Variants in ASXL2 observed in about 807,000 individuals in gnomAD.
The protein encoded by ASXL2 is ASXL transcriptional regulator 2, also known as putative Polycomb group protein ASXL2.
Under a neutral mutation model 122.0 loss-of-function variants are expected in ASXL2, and 23 were observed. The observed-to-expected ratio is 0.19, with a 90% CI of 0.14 to 0.27. The LOEUF (loss-of-function observed/expected upper bound fraction) is 0.27, where lower values mean the gene tolerates loss of function less well. Among genes scored for constraint, ASXL2 ranks in the 10% least tolerant of loss-of-function variants. The pLI is 1.00. For synonymous variants in ASXL2, 650 were observed against 637.0 expected (o/e 1.02, Z -0.31); for missense variants, 1,518 against 1,713.8 (o/e 0.89, Z 2.02).
At chr2:25,860,403 G>C (rs1396404003) in intron 1 of ASXL2, among the ~76,000 whole-genome samples, 1 of 151,720 alleles carries the variant, frequency 6.6e-6, no homozygotes, top group African/African-American at 2.4e-5. Context: ...GAAATTTAAA[G>C]ACTGAATGCA....
At chr2:25,747,627 CA>C (rs2087963715) in intron 12 of ASXL2, among the ~76,000 whole-genome samples, 1 of 152,160 alleles carries the variant, frequency 6.6e-6, no homozygotes, top group Non-Finnish European at 1.5e-5. Flanking sequence ...AGCCTGTTTA[CA>C]GGTGAGAAAA....
At chr2:25,770,210 TATTTA>T (rs1170014821) in intron 6 of ASXL2, among the ~76,000 whole-genome samples, 1 of 152,194 alleles carries the variant, frequency 6.6e-6, no homozygotes, top group Non-Finnish European at 1.5e-5. Context: ...TATTTTTTAT[TATTTA>T]ATTTTTTTTT....
chr2:25,838,172 T>C (rs1280955503), intron 2 of ASXL2, among the ~76,000 whole-genome samples: 1 of 152,186 alleles, frequency 6.6e-6, no homozygotes, highest in East Asian at 1.9e-4. Flanking sequence ...ATGTATTACA[T>C]AAATATGTAG....
At chr2:25,850,818 T>A (rs900301509) in intron 1 of ASXL2, among the ~76,000 whole-genome samples, 1 of 152,136 alleles carries the variant, frequency 6.6e-6, no homozygotes, top group South Asian at 2.1e-4. Flanking sequence ...CTTTCCACTA[T>A]CTATTTGGTT....
chr2:25,836,109 G>A lies in ASXL2; in HGVS notation c.141-569C>T, dbSNP rs544818099. Among the ~76,000 whole-genome samples the A allele has an allele frequency of 3.6e-3, 552 of 152,270 alleles. 4 individuals are homozygous for A. Among genetic ancestry groups the A allele is most frequent in the Non-Finnish European group, 3.7e-3 (252 of 68,018 alleles). The stretch of plus-strand genomic sequence containing the variant: ...GAAAGCAGATTGCAACTAACAGATA[G>A]GGAAGATGGCTGGGCACAGTGCCTC... On this transcript the variant is annotated intron_variant, in intron 2 of 12. Coordinates refer to ENST00000435504, the MANE Select transcript of ASXL2 (RefSeq NM_018263.6).
Position 25,742,433 on chromosome 2 carries a change from T to C in ASXL2, c.3904A>G (p.Thr1302Ala). 2 of 295,148 alleles carry C rather than the reference T, an allele frequency of 6.8e-6. No individual in the cohort carries two copies. Among genetic ancestry groups the C allele is most frequent in the Non-Finnish European group, 1.4e-5 (2 of 147,082 alleles). 18.3% of individuals were successfully genotyped at this position (295,148 alleles called of 1,614,324 possible). Residue 1302 changes from threonine (T) to alanine (A), a missense_variant, in exon 13 of 13, where the codon ACC becomes GCC. Around this residue, in one of 8 missense-constraint regions of ASXL2, gnomAD observed 831 missense variants for 833.1 expected, o/e 1.00. Coordinates refer to ENST00000435504, the MANE Select transcript of ASXL2 (RefSeq NM_018263.6). ...GGTGGAAGGAGTAGGGGCTGGTGGGTGGGGCTGTCTGCAGGCAGAGGAAGA... is the reference window on the plus strand; with the variant it reads ...GGTGGAAGGAGTAGGGGCTGGTGGGCGGGGCTGTCTGCAGGCAGAGGAAGA... ...TVLPLPADSP[T>A]HQPLLLPPLQ...
intron 1 of ASXL2, among the ~76,000 whole-genome samples, chr2:25,876,617 C>A (rs1027337211): frequency 1.3e-5 from 2 of 152,138 alleles, no homozygotes; most frequent in African/African-American, 4.8e-5. Flanking sequence ...TATCATGCTT[C>A]TTTTATTAAC....
chr2:25,795,580 G>A (rs2088899236), intron 5 of ASXL2, among the ~76,000 whole-genome samples: 1 of 152,060 alleles, frequency 6.6e-6, no homozygotes, highest in Non-Finnish European at 1.5e-5. Context: ...AAAAGCAAGG[G>A]CCCCAAGTAT....
chr2:25,863,103 G>A (rs190060367), intron 1 of ASXL2, among the ~76,000 whole-genome samples: 15 of 151,936 alleles, frequency 9.9e-5, no homozygotes, highest in African/African-American at 3.6e-4. Flanking sequence ...GCCGAAGCAC[G>A]TGGATCACAA....
chr2:25,840,314 T>C (rs2089565802), intron 2 of ASXL2, among the ~76,000 whole-genome samples: 1 of 152,224 alleles, frequency 6.6e-6, no homozygotes, highest in Admixed American at 6.5e-5. Flanking sequence ...AGTACCTGAA[T>C]CTTTCGCAGC....
chr2:25,772,561 A>G (rs891398767), intron 5 of ASXL2, among the ~76,000 whole-genome samples: 5 of 151,874 alleles, frequency 3.3e-5, no homozygotes, highest in Admixed American at 3.3e-4. Flanking sequence ...GAGAAACCCT[A>G]TCTCTACTAA....
At position 25,815,867 on chromosome 2, in the gene ASXL2, C is replaced by A. The variant is rs192544831; in HGVS notation, c.144-9530G>T. ...ACAGCTGGAAGTATCTTAATAGATA[C>A]AAAGCACCTACATAAAAGCAATCAA... On this transcript the variant is annotated intron_variant, in intron 3 of 12. Coordinates refer to ENST00000435504, the MANE Select transcript of ASXL2 (RefSeq NM_018263.6). Among the ~76,000 whole-genome samples, 727 of 151,978 alleles carry A rather than the reference C, an allele frequency of 4.8e-3. 12 individuals are homozygous for A. The highest frequency in any genetic ancestry group is 0.022 in the Admixed American group (330 of 15,248).
intron 6 of ASXL2, among the ~76,000 whole-genome samples, chr2:25,770,755 T>G (rs1008848108): frequency 8.5e-5 from 13 of 152,220 alleles, no homozygotes; most frequent in Admixed American, 6.5e-5. Context: ...AAAGAAAATC[T>G]AGCTGTGTGT....
intron 5 of ASXL2, among the ~76,000 whole-genome samples, chr2:25,796,041 T>A (rs578047575): frequency 6.6e-6 from 1 of 152,204 alleles, no homozygotes; most frequent in Non-Finnish European, 1.5e-5. Context: ...TAAGTGGTTA[T>A]CAACTTAAAG....
intron 1 of ASXL2, among the ~76,000 whole-genome samples, chr2:25,855,018 T>G (rs2149197477): frequency 6.6e-6 from 1 of 152,316 alleles, no homozygotes; most frequent in South Asian, 2.1e-4. Flanking sequence ...TCCTCAGCTC[T>G]GGCAGACAGT....
At chr2:25,844,800 T>C (rs910114108) in intron 2 of ASXL2, among the ~76,000 whole-genome samples, 8 of 151,930 alleles carry the variant, frequency 5.3e-5, no homozygotes, top group Non-Finnish European at 1.5e-5. Flanking sequence ...CCACCACATC[T>C]AGTTAATACA....
chr2:25,789,737 G>T (rs1243680245), intron 5 of ASXL2, among the ~76,000 whole-genome samples: 1 of 152,138 alleles, frequency 6.6e-6, no homozygotes, highest in Non-Finnish European at 1.5e-5. Context: ...CCCAAATAAT[G>T]CAAATGTTTC....
At chr2:25,799,231 T>A (rs2088958698) in intron 5 of ASXL2, among the ~76,000 whole-genome samples, 154 bp downstream of exon 5, 1 of 152,098 alleles carries the variant, frequency 6.6e-6, no homozygotes, top group Non-Finnish European at 1.5e-5. Context: ...GATATAAACA[T>A]CTCCATCATT....
intron 5 of ASXL2, among the ~76,000 whole-genome samples, chr2:25,777,765 C>T (rs1157777496): frequency 2.0e-5 from 3 of 152,090 alleles, no homozygotes; most frequent in Non-Finnish European, 4.4e-5. Context: ...AACAGGAGTT[C>T]ATTGAACTCT....
Sources: gnomAD v4.1 joint callset for allele counts (sites outside exome capture counted in the v4.1 genomes callset) on GRCh38, gnomAD v4.1.1 for gene constraint, gnomAD v4.1.1 regional missense constraint, MANE v1.5 for transcripts, NCBI Gene and HGNC (gene_info 2026-07-23, HGNC 2026-07-21) for gene names.